SDK1: variants seen among roughly 807,000 people sequenced by gnomAD.
The protein encoded by SDK1 is sidekick cell adhesion molecule 1, also known as protein sidekick-1.
SDK1 carries 157 observed loss-of-function variants against 245.5 expected under a neutral mutation model. That is an observed-to-expected ratio of 0.64 (90% CI 0.56 to 0.73). The LOEUF (loss-of-function observed/expected upper bound fraction) is 0.73, where lower values mean the gene tolerates loss of function less well. Among genes scored for constraint, SDK1 ranks in the 30% least tolerant of loss-of-function variants. SDK1 has a pLI of 0.00. For synonymous variants in SDK1, 1,647 were observed against 1,278.5 expected (o/e 1.29, Z -6.15); for missense variants, 3,583 against 3,002.3 (o/e 1.19, Z -4.52).
chr7:3,621,328 A>G (rs1485077785), intron 2 of SDK1, among the ~76,000 whole-genome samples: 3 of 152,186 alleles, frequency 2.0e-5, no homozygotes, highest in Non-Finnish European at 2.9e-5. Context: ...CAAGTTATCT[A>G]ATGTTGATCT....
intron 4 of SDK1, among the ~76,000 whole-genome samples, chr7:3,724,780 A>T (rs2115034070): frequency 6.6e-6 from 1 of 152,224 alleles, no homozygotes; most frequent in East Asian, 1.9e-4. Flanking sequence ...AGGAATGAGG[A>T]GGGAGCCCAC....
intron 1 of SDK1, among the ~76,000 whole-genome samples, chr7:3,356,281 A>T (rs1022538017): frequency 1.3e-5 from 2 of 152,178 alleles, no homozygotes; most frequent in Non-Finnish European, 2.9e-5. Flanking sequence ...GGTGAAATAT[A>T]ACAAAGTGCA....
intron 43 of SDK1, 126 bp from the exon 44 acceptor site, chr7:4,245,550 G>C: frequency 8.9e-7 from 1 of 1,119,502 alleles, no homozygotes; most frequent in South Asian, 1.6e-5. Context: ...AGTTGCCAAA[G>C]TGATGTCAAA....
intron 17 of SDK1, 102 bp from the exon 18 acceptor site, chr7:4,049,246 G>A: frequency 1.3e-6 from 1 of 787,652 alleles, no homozygotes; most frequent in Middle Eastern, 2.7e-4. Context: ...TGCAATAATT[G>A]CCTGTGAGCA....
intron 1 of SDK1, among the ~76,000 whole-genome samples, chr7:3,583,012 T>G (rs976506187): frequency 2.0e-5 from 3 of 152,174 alleles, no homozygotes; most frequent in Non-Finnish European, 2.9e-5. Flanking sequence ...TCCCAAGTCC[T>G]TCCTTCTGTG....
chr7:3,710,662 T>G (rs2115017835), intron 4 of SDK1, among the ~76,000 whole-genome samples: 1 of 152,366 alleles, frequency 6.6e-6, no homozygotes, highest in Non-Finnish European at 1.5e-5. Context: ...TAAATTACTC[T>G]TGCCATTAAT....
chr7:3,369,298 C>A (rs376169642), intron 1 of SDK1, among the ~76,000 whole-genome samples: 1 of 152,128 alleles, frequency 6.6e-6, no homozygotes, highest in Non-Finnish European at 1.5e-5. Context: ...GCCTCGGCCT[C>A]CCAAAGTGCT....
chr7:3,340,380 G>C (rs1257023889), intron 1 of SDK1, among the ~76,000 whole-genome samples: 1 of 152,178 alleles, frequency 6.6e-6, no homozygotes. Flanking sequence ...CTGACACAAA[G>C]TGAGCACATG....
At chr7:4,059,365 G>A (rs1025098304) in intron 19 of SDK1, among the ~76,000 whole-genome samples, 2 of 152,178 alleles carry the variant, frequency 1.3e-5, no homozygotes, top group African/African-American at 4.8e-5. Context: ...ATTGTGTAAT[G>A]ATAAAGTTAT....
intron 1 of SDK1, among the ~76,000 whole-genome samples, chr7:3,336,836 C>T (rs540440274): frequency 2.0e-5 from 3 of 152,280 alleles, no homozygotes; most frequent in South Asian, 2.1e-4. Context: ...TGCAACAAGG[C>T]AATGTGAGTC....
At position 3,793,989 on chromosome 7, in the gene SDK1, C is replaced by T. The variant is rs150866047; in HGVS notation, c.714-27461C>T. ...CTTTTGTTCTAAGGGCACCTCCAACCCCCACATCCTAGTAGTCGGCTGCCC... is the reference window on the plus strand; with the variant it reads ...CTTTTGTTCTAAGGGCACCTCCAACTCCCACATCCTAGTAGTCGGCTGCCC... On this transcript the variant is annotated intron_variant, in intron 4 of 44. Transcript: ENST00000404826. Among the ~76,000 whole-genome samples the T allele has an allele frequency of 3.1e-3, 472 of 152,266 alleles. 4 individuals carry two copies. The highest frequency in any genetic ancestry group is 0.011 in the African/African-American group (447 of 41,550).
chr7:4,214,001 A>ATTCT (rs1405432319), intron 38 of SDK1, among the ~76,000 whole-genome samples: 2 of 152,168 alleles, frequency 1.3e-5, no homozygotes, highest in Non-Finnish European at 2.9e-5. Flanking sequence ...CTCAGCACTT[A>ATTCT]ACATCCGCTA....
chr7:3,787,762 G>C (rs548064486), intron 4 of SDK1, among the ~76,000 whole-genome samples: 1 of 152,306 alleles, frequency 6.6e-6, no homozygotes, highest in South Asian at 2.1e-4. Flanking sequence ...CTGCATGGCA[G>C]AAGTGTAGCA....
intron 1 of SDK1, among the ~76,000 whole-genome samples, chr7:3,517,436 A>C (rs527853207): frequency 2.6e-5 from 4 of 152,172 alleles, no homozygotes; most frequent in Non-Finnish European, 1.5e-5. Flanking sequence ...TCATGGTTCT[A>C]CAGAACAGAA....
intron 1 of SDK1, among the ~76,000 whole-genome samples, chr7:3,565,147 C>A (rs1389972807): frequency 6.6e-6 from 1 of 151,422 alleles, no homozygotes; most frequent in East Asian, 1.9e-4. Context: ...TAACTAGACA[C>A]TGGAATATAG....
intron 4 of SDK1, among the ~76,000 whole-genome samples, chr7:3,790,498 A>C (rs1024656015): frequency 6.6e-6 from 1 of 152,100 alleles, no homozygotes; most frequent in Non-Finnish European, 1.5e-5. Context: ...GGCAAATACC[A>C]GATCACATGG....
At chr7:4,235,247 C>T (rs574392143) in intron 41 of SDK1, among the ~76,000 whole-genome samples, 2 of 152,272 alleles carry the variant, frequency 1.3e-5, no homozygotes, top group Admixed American at 6.5e-5. Context: ...TCACTGCAAC[C>T]TCCGTCTCCC....
chr7:3,824,510 C>G (rs1779724260), intron 5 of SDK1, among the ~76,000 whole-genome samples: 1 of 152,090 alleles, frequency 6.6e-6, no homozygotes, highest in African/African-American at 2.4e-5. Context: ...GTCATGCAGC[C>G]CCGCCTCTTG....
At chr7:3,995,398 C>T (rs1784626429) in intron 14 of SDK1, among the ~76,000 whole-genome samples, 1 of 152,088 alleles carries the variant, frequency 6.6e-6, no homozygotes, top group Non-Finnish European at 1.5e-5. Flanking sequence ...AGCGCTGTCC[C>T]CATCCCCTCC....
Sources: allele counts gnomAD v4.1 joint callset (sites outside exome capture counted in the v4.1 genomes callset), GRCh38; gene constraint gnomAD v4.1.1; transcripts MANE v1.5; gene names NCBI Gene and HGNC (gene_info 2026-07-23, HGNC 2026-07-21).